Variants in GRIN2B observed in about 807,000 individuals in gnomAD.
GRIN2B encodes the protein glutamate ionotropic receptor NMDA type subunit 2B.
A neutral mutation model predicts 114.5 loss-of-function variants in GRIN2B; 5 were observed. That is an observed-to-expected ratio of 0.04 (90% CI 0.02 to 0.09). GRIN2B has a LOEUF of 0.09. Among genes scored for constraint, GRIN2B ranks in the 10% least tolerant of loss-of-function variants. The pLI, the probability that GRIN2B is intolerant of heterozygous loss-of-function variation, is 1.00. For missense variants in GRIN2B, 1,108 were observed against 1,943.5 expected (o/e 0.57, Z 8.08); for synonymous variants, 787 against 745.1 (o/e 1.06, Z -0.92).
chr12:13,575,973 C>G (rs560806013), intron 10 of GRIN2B, among the ~76,000 whole-genome samples: 97 of 152,260 alleles, frequency 6.4e-4, no homozygotes, highest in African/African-American at 2.2e-3. Flanking sequence ...TAAAATTGTC[C>G]TATGTAAGGC....
intron 2 of GRIN2B, among the ~76,000 whole-genome samples, chr12:13,966,928 ATGACTCC>A (rs1205592590): frequency 1.3e-5 from 2 of 152,218 alleles, no homozygotes; most frequent in Non-Finnish European, 2.9e-5. Context: ...CCCTGGCACT[ATGACTCC>A]TGAGTTCTTG....
intron 12 of GRIN2B, 88 bp from the exon 13 acceptor site, chr12:13,567,351 A>G: frequency 1.2e-6 from 1 of 841,146 alleles, no homozygotes; most frequent in Admixed American, 2.0e-5. Flanking sequence ...ATTGAGCAAG[A>G]AAGAGAAAGA....
At chr12:13,900,307 C>T (rs1326264322) in intron 2 of GRIN2B, among the ~76,000 whole-genome samples, 1 of 151,796 alleles carries the variant, frequency 6.6e-6, no homozygotes, top group Non-Finnish European at 1.5e-5. Flanking sequence ...AACCCCGTCT[C>T]GACTGAAAAT....
chr12:13,928,460 T>G (rs1228563411), intron 2 of GRIN2B, among the ~76,000 whole-genome samples: 2 of 152,198 alleles, frequency 1.3e-5, no homozygotes, highest in African/African-American at 4.8e-5. Context: ...ATAATATGGT[T>G]ACCTAAAAAG....
chr12:13,753,327 T>C lies in GRIN2B; in HGVS notation c.1000A>G (p.Met334Val). ...THEKRIYQSN[M>V]LNRYLINVTF... ...CTGTTCCACACTCACCTATTTAGCA[T>C]ATTGGACTGGTAGATTCTCTTCTCG... The change falls in exon 4 of 14, where the codon ATG (methionine) becomes GTG (valine). Residue 334 changes from methionine (M) to valine (V), a missense_variant. Physicochemically the swap from Met to Val is conservative, Grantham distance 21. Around this residue, in one of 19 missense-constraint regions of GRIN2B, gnomAD observed 199 missense variants for 439.6 expected, o/e 0.45. Transcript: ENST00000609686. The surrounding 1 kb of genome is among the most constrained non-coding windows in gnomAD (Gnocchi z 6.2). The C allele has an allele frequency of 1.3e-6, 2 of 1,563,122 alleles. No homozygotes were observed. Among genetic ancestry groups the C allele is most frequent in the Non-Finnish European group, 1.8e-6 (2 of 1,133,560 alleles).
chr12:13,776,254 AAC>A (rs1198398504), intron 3 of GRIN2B, among the ~76,000 whole-genome samples: 2 of 152,100 alleles, frequency 1.3e-5, no homozygotes, highest in African/African-American at 4.8e-5. Flanking sequence ...TGGGGGAAAT[AAC>A]ACACACTGGG....
intron 2 of GRIN2B, among the ~76,000 whole-genome samples, chr12:13,943,457 C>T (rs1159284971): frequency 1.3e-5 from 2 of 152,124 alleles, no homozygotes; most frequent in Admixed American, 6.5e-5. Context: ...CCCTGACTCC[C>T]CCATTGAATT....
chr12:13,689,958 C>CCTCTT (rs138201640), intron 4 of GRIN2B, among the ~76,000 whole-genome samples: 5,840 of 152,106 alleles, frequency 0.038, 357 homozygotes, highest in African/African-American at 0.13. Flanking sequence ...GGCCTTCTCC[C>CCTCTT]CTCTTCTCTC....
chr12:13,764,650 G>A (rs967009649), intron 3 of GRIN2B, among the ~76,000 whole-genome samples: 1 of 151,992 alleles, frequency 6.6e-6, no homozygotes, highest in Non-Finnish European at 1.5e-5. Context: ...GTAAAAGAAT[G>A]GTCTATTTAC....
At chr12:13,693,729 G>C (rs1419670864) in intron 4 of GRIN2B, among the ~76,000 whole-genome samples, 1 of 152,118 alleles carries the variant, frequency 6.6e-6, no homozygotes, top group Admixed American at 6.5e-5. Flanking sequence ...ACCATCAGAG[G>C]AAGCATACAT....
intron 5 of GRIN2B, among the ~76,000 whole-genome samples, chr12:13,633,596 G>A (rs933062870): frequency 3.3e-5 from 5 of 152,150 alleles, no homozygotes; most frequent in African/African-American, 1.2e-4. Flanking sequence ...CAGCCAGCTG[G>A]TAGAAATAAA....
intron 4 of GRIN2B, among the ~76,000 whole-genome samples, chr12:13,722,742 G>A (rs11612284): frequency 0.15 from 22,659 of 152,096 alleles, 1,952 homozygotes; most frequent in South Asian, 0.24. Context: ...CTCGAGTGAC[G>A]ATTTGAGATC....
chr12:13,712,696 T>C (rs1280862540), intron 4 of GRIN2B, among the ~76,000 whole-genome samples: 1 of 151,890 alleles, frequency 6.6e-6, no homozygotes, highest in Non-Finnish European at 1.5e-5. Flanking sequence ...TATTATAAAG[T>C]CTCTGACTAT....
At chr12:13,918,139 G>T (rs1866763434) in intron 2 of GRIN2B, among the ~76,000 whole-genome samples, 1 of 152,124 alleles carries the variant, frequency 6.6e-6, no homozygotes, top group Non-Finnish European at 1.5e-5. Context: ...CTCCCTAAGT[G>T]CATTTAAAGA....
intron 2 of GRIN2B, among the ~76,000 whole-genome samples, chr12:13,869,238 TTTC>T (rs1865870330): frequency 7.2e-6 from 1 of 139,358 alleles, no homozygotes; most frequent in African/African-American, 2.8e-5. Flanking sequence ...TTTCTTTTTT[TTTC>T]TTTTTTTTTT....
intron 5 of GRIN2B, among the ~76,000 whole-genome samples, chr12:13,668,656 G>A (rs570053216): frequency 1.2e-4 from 19 of 152,116 alleles, no homozygotes; most frequent in South Asian, 2.1e-4. Context: ...TGTCATTGTC[G>A]TAAGTAAAAC....
intron 3 of GRIN2B, among the ~76,000 whole-genome samples, chr12:13,856,399 A>C (rs139576003): frequency 6.6e-6 from 1 of 152,252 alleles, no homozygotes; most frequent in Non-Finnish European, 1.5e-5. Context: ...TGAGTTTCCA[A>C]AGAATCATAG....
At chr12:13,942,141 C>G (rs181285252) in intron 2 of GRIN2B, among the ~76,000 whole-genome samples, 163 of 152,290 alleles carry the variant, frequency 1.1e-3, no homozygotes, top group African/African-American at 3.7e-3. Context: ...CCAAGGGCTT[C>G]TGAGATCACA....
intron 2 of GRIN2B, among the ~76,000 whole-genome samples, chr12:13,965,580 C>T (rs966617275): frequency 1.1e-4 from 17 of 151,412 alleles, no homozygotes; most frequent in African/African-American, 4.1e-4. Context: ...CACACACACA[C>T]GTGTGTGTGA....
Sources: allele counts gnomAD v4.1 joint callset (sites outside exome capture counted in the v4.1 genomes callset), GRCh38; gene constraint gnomAD v4.1.1; regional missense constraint gnomAD v4.1.1; non-coding constraint Gnocchi (gnomAD v3.1); transcripts MANE v1.5; gene names NCBI Gene and HGNC (gene_info 2026-07-23, HGNC 2026-07-21).